Variants in ABI1 observed in about 807,000 individuals in gnomAD.
ABI1 encodes Abelson interactor 1.
In ABI1, 14 loss-of-function variants were observed where a neutral mutation model predicts 54.6. The ratio of observed to expected loss-of-function variants is 0.26; its 90% confidence interval spans 0.17 to 0.40. The LOEUF is 0.40. Among genes scored for constraint, ABI1 ranks in the 10% least tolerant of loss-of-function variants. The pLI is 1.00. For synonymous variants in ABI1, 194 were observed against 209.3 expected (o/e 0.93, Z 0.63); for missense variants, 443 against 598.3 (o/e 0.74, Z 2.71).
rs72629719 is a variant in ABI1 at position 26,756,959 on chromosome 10, C to T, written c.998-1218G>A. 0.018 allele frequency among the ~76,000 whole-genome samples: 2,719 copies of T among 152,128 alleles called. 191 individuals are homozygous for T. The South Asian group carries it at 0.19, about 11-fold the overall frequency. ...ATAGCTAAAGATAACATTCAATTCACTATGAAAGCAATCCTATTTCATTCT... is the reference window on the plus strand; with the variant it reads ...ATAGCTAAAGATAACATTCAATTCATTATGAAAGCAATCCTATTTCATTCT... On this transcript the variant is annotated intron_variant, in intron 8 of 10. Coordinates refer to ENST00000376140, the MANE Select transcript of ABI1 (RefSeq NM_001012750.3).
chr10:26,752,049 G>A (rs998957770), intron 9 of ABI1, among the ~76,000 whole-genome samples: 5 of 152,118 alleles, frequency 3.3e-5, no homozygotes, highest in African/African-American at 7.2e-5. Context: ...CTTTTTATAA[G>A]GATTATAGGA....
At chr10:26,755,082 A>C (rs1028654511) in intron 9 of ABI1, among the ~76,000 whole-genome samples, 2 of 152,184 alleles carry the variant, frequency 1.3e-5, no homozygotes, top group African/African-American at 4.8e-5. Context: ...CTTATCACTC[A>C]CACTGAAATG....
intron 2 of ABI1, among the ~76,000 whole-genome samples, chr10:26,788,492 A>C (rs950153653): frequency 6.6e-6 from 1 of 152,214 alleles, no homozygotes; most frequent in African/African-American, 2.4e-5. Context: ...TTAATATGAA[A>C]ACATGAATGT....
intron 1 of ABI1, among the ~76,000 whole-genome samples, chr10:26,834,846 T>G (rs1262554707): frequency 6.6e-6 from 1 of 152,150 alleles, no homozygotes; most frequent in African/African-American, 2.4e-5. Flanking sequence ...CTCATGCCTG[T>G]AATCCCAGCA....
intron 1 of ABI1, among the ~76,000 whole-genome samples, chr10:26,832,858 G>C (rs1486992861): frequency 6.6e-6 from 1 of 152,036 alleles, no homozygotes; most frequent in Non-Finnish European, 1.5e-5. Flanking sequence ...GTTCATTACT[G>C]ACAAATAATC....
chr10:26,767,408 G>T (rs891802828), intron 6 of ABI1, among the ~76,000 whole-genome samples: 1 of 152,110 alleles, frequency 6.6e-6, no homozygotes, highest in Non-Finnish European at 1.5e-5. Context: ...AAGAGTGAAG[G>T]CAAAAGAGAG....
chr10:26,804,980 A>G (rs1463137563), intron 2 of ABI1, among the ~76,000 whole-genome samples: 1 of 152,258 alleles, frequency 6.6e-6, no homozygotes. Flanking sequence ...GGTATAAAAC[A>G]AAGAGAGGGC....
chr10:26,819,218 C>A (rs11015314), intron 2 of ABI1, among the ~76,000 whole-genome samples: 9,371 of 151,756 alleles, frequency 0.062, 431 homozygotes, highest in East Asian at 0.19. Flanking sequence ...GCACCCCCCC[C>A]AAAAAAAATT....
rs746579313 is a variant in ABI1, at chr10:26,860,894, G to A, written c.-31C>T. The stretch of plus-strand genomic sequence containing the variant: ...ACCCCTCTGCATCGCTTCCTCTCGC[G>A]TTAAAGAGACAGAGGCAGCAAGGTC... On this transcript the variant is annotated 5_prime_UTR_variant, in exon 1 of 11. The change creates a new upstream start codon in the 5' untranslated region. Coordinates refer to ENST00000376140, the MANE Select transcript of ABI1 (RefSeq NM_001012750.3). This position sits in a 1 kb window ranked among gnomAD's most constrained non-coding sequence, Gnocchi z 4.1. The A allele has an allele frequency of 5.0e-6, 8 of 1,597,598 alleles. No homozygotes were observed. The highest frequency in any genetic ancestry group is 1.3e-5 in the African/African-American group (1 of 74,532).
intron 2 of ABI1, among the ~76,000 whole-genome samples, chr10:26,822,093 A>C (rs1238347944): frequency 1.3e-5 from 2 of 152,188 alleles, no homozygotes; most frequent in Admixed American, 1.3e-4. Flanking sequence ...GCCCAACAGC[A>C]CTCAAGAGTA....
chr10:26,812,939 C>T (rs917748842), intron 2 of ABI1, among the ~76,000 whole-genome samples: 6 of 152,046 alleles, frequency 3.9e-5, no homozygotes, highest in Non-Finnish European at 8.8e-5. Flanking sequence ...AAGAAGAGTA[C>T]CATGCTTGAT....
chr10:26,773,388 C>T (rs569418232), intron 3 of ABI1, among the ~76,000 whole-genome samples: 7 of 150,894 alleles, frequency 4.6e-5, no homozygotes, highest in South Asian at 2.1e-4. Flanking sequence ...TTTTAGGAGA[C>T]GGGGTTTCAC....
chr10:26,770,030 A>T (rs1840475894), intron 5 of ABI1, among the ~76,000 whole-genome samples: 1 of 152,216 alleles, frequency 6.6e-6, no homozygotes, highest in Admixed American at 6.5e-5. Flanking sequence ...ATACATACAT[A>T]AAAACTTTCC....
intron 1 of ABI1, among the ~76,000 whole-genome samples, chr10:26,832,062 G>A (rs925494906): frequency 9.2e-5 from 14 of 152,176 alleles, no homozygotes; most frequent in Admixed American, 6.5e-4. Flanking sequence ...AAAAGGTTAC[G>A]GGTGCAATAA....
chr10:26,854,343 T>C (rs190035054), intron 1 of ABI1, among the ~76,000 whole-genome samples: 1 of 141,762 alleles, frequency 7.1e-6, no homozygotes, highest in South Asian at 2.5e-4. Flanking sequence ...TATATAGTCC[T>C]AAAAATATGC....
At chr10:26,822,426 T>C (rs561471403) in intron 2 of ABI1, among the ~76,000 whole-genome samples, 22 of 152,318 alleles carry the variant, frequency 1.4e-4, no homozygotes, top group Admixed American at 3.9e-4. Context: ...AATGTTTTCA[T>C]AGGATTTGTA....
chr10:26,750,411 T>G (rs1837467277), intron 10 of ABI1, among the ~76,000 whole-genome samples: 1 of 152,152 alleles, frequency 6.6e-6, no homozygotes. Context: ...GGAGAATTGC[T>G]GGAACCTGGG....
intron 2 of ABI1, among the ~76,000 whole-genome samples, chr10:26,811,039 A>G (rs2047196178): frequency 6.6e-6 from 1 of 152,122 alleles, no homozygotes; most frequent in Non-Finnish European, 1.5e-5. Flanking sequence ...AATTTCAAAA[A>G]TTTCAGATAT....
chr10:26,841,589 T>C (rs891708308), intron 1 of ABI1, among the ~76,000 whole-genome samples: 1 of 152,156 alleles, frequency 6.6e-6, no homozygotes, highest in African/African-American at 2.4e-5. Context: ...ACATTTCCCA[T>C]TCCCCACCCA....
Sources: gnomAD v4.1 joint callset for allele counts (sites outside exome capture counted in the v4.1 genomes callset) on GRCh38, gnomAD v4.1.1 for gene constraint, Gnocchi (gnomAD v3.1) non-coding constraint, MANE v1.5 for transcripts, NCBI Gene and HGNC (gene_info 2026-07-23, HGNC 2026-07-21) for gene names.